The following CA1 variants were observed in gnomAD, a reference collection of about 807,000 sequenced individuals.
CA1 encodes carbonic anhydrase 1.
A neutral mutation model predicts 28.8 loss-of-function variants in CA1; 27 were observed. That is an observed-to-expected ratio of 0.94 (90% CI 0.69 to 1.29). The LOEUF is 1.29. CA1 is among the 50% of genes most tolerant of loss of function. The probability of loss-of-function intolerance (pLI) is 0.00; values close to 1 mark genes in which losing one functional copy is unlikely to be tolerated. For synonymous variants in CA1, 121 were observed against 108.8 expected (o/e 1.11, Z -0.70); for missense variants, 335 against 310.5 (o/e 1.08, Z -0.59).
At chr8:85,369,379 A>T (rs1415613466) in intron 1 of CA1, among the ~76,000 whole-genome samples, 1 of 152,098 alleles carries the variant, frequency 6.6e-6, no homozygotes, top group Non-Finnish European at 1.5e-5. Context: ...CTTGCCTAGG[A>T]TGCATCTCTC....
intron 4 of CA1, among the ~76,000 whole-genome samples, chr8:85,334,731 G>C (rs980659311): frequency 1.3e-5 from 2 of 151,598 alleles, no homozygotes; most frequent in African/African-American, 4.9e-5. Flanking sequence ...AGTATCTCAC[G>C]CCTGTAATTC....
At chr8:85,333,693 GT>G in intron 4 of CA1, 73 bp from the exon 5 acceptor site, 2 of 941,564 alleles carry the variant, frequency 2.1e-6, no homozygotes, top group Admixed American at 3.7e-5. Context: ...AAGTTAACTT[GT>G]TACCATATGA....
chr8:85,368,114 A>G (rs1810079579), intron 1 of CA1, among the ~76,000 whole-genome samples: 1 of 151,770 alleles, frequency 6.6e-6, no homozygotes, highest in African/African-American at 2.4e-5. Context: ...AATGTTTATG[A>G]ATCGCTTGTA....
chr8:85,357,251 A>G (rs1809636806), intron 1 of CA1, among the ~76,000 whole-genome samples: 2 of 152,130 alleles, frequency 1.3e-5, no homozygotes, highest in African/African-American at 4.8e-5. Flanking sequence ...GAGACAGTGG[A>G]GCTGTATTTT....
chr8:85,355,302 A>G (rs1278566692), intron 1 of CA1, among the ~76,000 whole-genome samples: 1 of 152,244 alleles, frequency 6.6e-6, no homozygotes, highest in African/African-American at 2.4e-5. Context: ...GTTTTTCTCT[A>G]ACTGAAGTAT....
chr8:85,359,410 G>A (rs1809713333), intron 1 of CA1, among the ~76,000 whole-genome samples: 1 of 152,202 alleles, frequency 6.6e-6, no homozygotes, highest in Non-Finnish European at 1.5e-5. Context: ...AGATCTATGA[G>A]TCAGTGACTT....
chr8:85,329,803 G>A lies in CA1; in HGVS notation c.555C>T (p.Leu185=). The change falls in exon 7 of 8, where the codon CTC becomes CTT. Residue 185 remains leucine, a synonymous_variant. Coordinates refer to ENST00000523022, the MANE Select transcript of CA1 (RefSeq NM_001128831.4). ...TCCAGAAATCCAGGGATGAAGGAAG[G>A]AGAGTAGAGGGGTCAAAATTTGTGA... ...APFTNFDPST[L]LPSSLDFWTY... 1 of 1,601,390 alleles carries A rather than the reference G, an allele frequency of 6.2e-7. No homozygotes were observed.
intron 6 of CA1, among the ~76,000 whole-genome samples, chr8:85,330,138 A>G (rs182528986): frequency 3.8e-4 from 58 of 152,262 alleles, no homozygotes; most frequent in Non-Finnish European, 6.5e-4. Flanking sequence ...TACAATCTAT[A>G]TCTTTAAAAC....
chr8:85,351,124 A>G (rs1809395037), intron 1 of CA1, among the ~76,000 whole-genome samples: 1 of 152,136 alleles, frequency 6.6e-6, no homozygotes. Context: ...GTCCTCCCCC[A>G]ACTTCTGATA....
At chr8:85,372,454 GC>G (rs746550776) in intron 1 of CA1, among the ~76,000 whole-genome samples, 1 of 152,162 alleles carries the variant, frequency 6.6e-6, no homozygotes, top group Non-Finnish European at 1.5e-5. Flanking sequence ...TTATGGTCCA[GC>G]ATTCCACTTC....
At chr8:85,372,003 G>A (rs1810244586) in intron 1 of CA1, among the ~76,000 whole-genome samples, 1 of 152,122 alleles carries the variant, frequency 6.6e-6, no homozygotes, top group Non-Finnish European at 1.5e-5. Flanking sequence ...ACAGGAGAAA[G>A]ACATATAAGT....
At chr8:85,343,831 A>G (rs1476152428) in intron 1 of CA1, among the ~76,000 whole-genome samples, 1 of 151,908 alleles carries the variant, frequency 6.6e-6, no homozygotes, top group Non-Finnish European at 1.5e-5. Flanking sequence ...ATATAGAGAA[A>G]GGATATAAAG....
chr8:85,368,329 G>T (rs968651987), intron 1 of CA1, among the ~76,000 whole-genome samples: 1 of 151,558 alleles, frequency 6.6e-6, no homozygotes, highest in Non-Finnish European at 1.5e-5. Context: ...CACCATGCCC[G>T]GGTAATTTTT....
At chr8:85,361,390 G>T (rs568296274) in intron 1 of CA1, among the ~76,000 whole-genome samples, 1 of 152,292 alleles carries the variant, frequency 6.6e-6, no homozygotes, top group Non-Finnish European at 1.5e-5. Flanking sequence ...AGAGATATCA[G>T]ATGTGGCCAG....
At chr8:85,341,458 G>A in intron 2 of CA1, 141 bp downstream of exon 2, 4 of 648,684 alleles carry the variant, frequency 6.2e-6, no homozygotes, top group Non-Finnish European at 1.1e-5. Flanking sequence ...AAGAATACAT[G>A]CAAAGATAGT....
chr8:85,376,706 T>TA (rs201045450), intron 1 of CA1, among the ~76,000 whole-genome samples: 5 of 137,990 alleles, frequency 3.6e-5, no homozygotes, highest in African/African-American at 1.4e-4. Flanking sequence ...AATAAATAAA[T>TA]AAAACTAGGT....
In CA1 at chr8:85,352,831, A is replaced by G. The variant is rs1037255118; in HGVS notation, c.-24-11172T>C. On this transcript the variant is annotated intron_variant, in intron 1 of 7. Transcript: ENST00000523022. ...CAGACATGTGCCACCATGCTTGGCT[A>G]ATTTTTGTATTTTTAATAGAGATGG... is the stretch of plus-strand genomic sequence containing the variant. Among the ~76,000 whole-genome samples, 59 of 152,050 alleles carry G rather than the reference A, an allele frequency of 3.9e-4. 1 individual carries two copies. The highest frequency in any genetic ancestry group is 1.4e-3 in the African/African-American group (56 of 41,476).
At chr8:85,346,668 A>G (rs1809202657) in intron 1 of CA1, among the ~76,000 whole-genome samples, 1 of 152,194 alleles carries the variant, frequency 6.6e-6, no homozygotes, top group Non-Finnish European at 1.5e-5. Flanking sequence ...AGGCTGAGGC[A>G]GGAGAATCGC....
intron 1 of CA1, 37 bp from the exon 2 acceptor site, chr8:85,341,696 A>G: frequency 8.9e-7 from 1 of 1,120,984 alleles, no homozygotes; most frequent in Non-Finnish European, 1.4e-6. Flanking sequence ...AACTAACTGC[A>G]ACTGTGCATG....
Sources: gnomAD v4.1 joint callset for allele counts (sites outside exome capture counted in the v4.1 genomes callset) on GRCh38, gnomAD v4.1.1 for gene constraint, MANE v1.5 for transcripts, NCBI Gene and HGNC (gene_info 2026-07-23, HGNC 2026-07-21) for gene names.